Variants in LTK observed in about 807,000 individuals in gnomAD.
LTK encodes leukocyte tyrosine kinase receptor.
LTK carries 117 observed loss-of-function variants against 101.5 expected under a neutral mutation model. The ratio of observed to expected loss-of-function variants is 1.15; its 90% CI spans 0.99 to 1.34. The LOEUF (loss-of-function observed/expected upper bound fraction) is 1.34. LTK is among the 40% of genes most tolerant of loss of function. The pLI is 0.00. For missense variants in LTK, 1,252 were observed against 1,164.7 expected (o/e 1.07, Z -1.09); for synonymous variants, 563 against 494.2 (o/e 1.14, Z -1.85).
Position 41,510,462 on chromosome 15 carries a change from T to G in LTK, c.997+702A>C, listed in dbSNP as rs112738659. Among the ~76,000 whole-genome samples, 985 of 146,918 alleles carry G rather than the reference T, an allele frequency of 6.7e-3. 11 individuals carry two copies. The highest frequency in any genetic ancestry group is 0.023 in the African/African-American group (918 of 40,198). On this transcript the variant is annotated intron_variant, in intron 7 of 19. Coordinates refer to ENST00000263800, the MANE Select transcript of LTK (RefSeq NM_002344.6). Reference sequence around the variant, plus strand: ...CCAACTCCCAGGATAATTTCCATTGTTTTTTTTTTAATCTTTGAGACAGAA... The same window carrying G: ...CCAACTCCCAGGATAATTTCCATTGGTTTTTTTTTAATCTTTGAGACAGAA...
In LTK at chr15:41,504,277, TAG is replaced by T. The variant is rs779375217; in HGVS notation, c.2347-35_2347-34del. The T allele has an allele frequency of 5.0e-6, 8 of 1,608,582 alleles. No homozygotes were observed. In the African/African-American group the frequency reaches 1.1e-4, roughly 21 times the overall value. On this transcript the variant is annotated intron_variant, in intron 19 of 19. Coordinates refer to ENST00000263800, the MANE Select transcript of LTK (RefSeq NM_002344.6). Reference sequence around the variant, plus strand: ...GGAAGAGTCAGGGAGCAGGGGGGCATAGAGTTTTCTGGCCCTCCCTCCTGACC... The same window carrying T: ...GGAAGAGTCAGGGAGCAGGGGGGCATAGTTTTCTGGCCCTCCCTCCTGACC...
At chr15:41,513,431 G>C (rs112973579) in intron 1 of LTK, among the ~76,000 whole-genome samples, 15 of 152,380 alleles carry the variant, frequency 9.8e-5, no homozygotes, top group African/African-American at 3.6e-4. Context: ...CCCCAAGGCG[G>C]TGCTGAGACC....
chr15:41,508,066 T>C lies in LTK; in HGVS notation c.1249+3A>G, dbSNP rs771761774. The C allele has an allele frequency of 6.3e-7, 1 of 1,597,964 alleles. No homozygotes were observed. The highest frequency in any genetic ancestry group is 1.3e-5 in the African/African-American group (1 of 74,644). Reference sequence around the variant, plus strand: ...CCAGACCTTGGGCAAAGGTAGGACATACCCATGCAGGTGACGTTATCCACA... The same window carrying C: ...CCAGACCTTGGGCAAAGGTAGGACACACCCATGCAGGTGACGTTATCCACA... On this transcript the variant is annotated splice_donor_region_variant and intron_variant, in intron 9 of 19. Coordinates refer to ENST00000263800, the MANE Select transcript of LTK (RefSeq NM_002344.6).
Position 41,505,294 on chromosome 15 carries a change from T to G in LTK, c.1839A>C (p.Ser613=). The part of the protein sequence containing the change: ...RHSRPHLGQP[S]PLVMRDLLQL... Reference sequence around the variant, plus strand: ...GCAGCAGGTCCCGCATGACCAGAGGTGATGGCTGGCCCTGGGTCAGGCAGA... The same window carrying G: ...GCAGCAGGTCCCGCATGACCAGAGGGGATGGCTGGCCCTGGGTCAGGCAGA... Residue 613 remains serine (S), a synonymous_variant, in exon 15 of 20, where the codon TCA becomes TCC. Coordinates refer to ENST00000263800, the MANE Select transcript of LTK (RefSeq NM_002344.6). 1.9e-6 allele frequency: 3 copies of G among 1,613,644 alleles called. No individual in the cohort carries two copies. Among genetic ancestry groups the G allele is most frequent in the Non-Finnish European group, 2.5e-6 (3 of 1,179,930 alleles).
rs752146842 is a variant in LTK, at chr15:41,513,696, C to T, written c.14G>A (p.Gly5Glu). The T allele has an allele frequency of 2.4e-5, 39 of 1,611,890 alleles. No individual in the cohort carries two copies. Among genetic ancestry groups the T allele is most frequent in the Non-Finnish European group, 3.2e-5 (38 of 1,178,998 alleles). The change falls in exon 1 of 20, where the codon GGA (glycine) becomes GAA (glutamate). Residue 5 changes from glycine (G) to glutamate (E), a missense_variant. Gly to Glu is a moderately conservative substitution (Grantham distance 98). Coordinates refer to ENST00000263800, the MANE Select transcript of LTK (RefSeq NM_002344.6). The stretch of plus-strand genomic sequence containing the variant: ...GGCTCCGAACCACACCAGCAGCTGT[C>T]CCCAGCAGCCCATCCCTGTTGGGTC... MGCW[G>E]QLLVWFGAAG...
intron 15 of LTK, 41 bp downstream of exon 15, chr15:41,505,167 G>T: frequency 6.3e-7 from 1 of 1,595,682 alleles, no homozygotes; most frequent in Non-Finnish European, 8.6e-7. Context: ...CTTGGGGAGG[G>T]AGTTGGGATG....
Position 41,511,087 on chromosome 15 carries a change from G to T in LTK, c.997+77C>A, listed in dbSNP as rs1021050983. 14 of 1,299,540 alleles carry T rather than the reference G, an allele frequency of 1.1e-5. No homozygotes were observed. In the African/African-American group the frequency reaches 1.9e-4, roughly 17 times the overall value. The allele number at this position is 1,299,540 out of a possible 1,614,324, so 80.5% of individuals were successfully genotyped here. ...CTCTCCCACACCTATCCTCCCGAGG[G>T]CTCCGGCCTGTACTTAGGTTCTAAC... On this transcript the variant is annotated intron_variant, in intron 7 of 19. Transcript: ENST00000263800. This position sits in a 1 kb window ranked among gnomAD's most constrained non-coding sequence, Gnocchi z 5.9.
Position 41,505,261 on chromosome 15 carries a change from G to C in LTK, c.1872C>G (p.Ala624=). The change falls in exon 15 of 20, where the codon GCC becomes GCG. Residue 624 remains alanine, a synonymous_variant. Transcript: ENST00000263800. Reference sequence around the variant, plus strand: ...AGTGGCAGCCCTGGGCTATGTCCTGGGCCAGTTGCAGCAGGTCCCGCATGA... The same window carrying C: ...AGTGGCAGCCCTGGGCTATGTCCTGCGCCAGTTGCAGCAGGTCCCGCATGA... The part of the protein sequence containing the change: ...PLVMRDLLQL[A]QDIAQGCHYL... The C allele has an allele frequency of 4.3e-6, 7 of 1,614,054 alleles. No homozygotes were observed. The highest frequency in any genetic ancestry group is 5.9e-6 in the Non-Finnish European group (7 of 1,180,018).
rs1233681930 is a variant in LTK at position 41,504,147 on chromosome 15, A to C, written c.2444T>G (p.Leu815Arg). Residue 815 changes from leucine to arginine, a missense_variant, in exon 20 of 20, where the codon CTA becomes CGA. By Grantham distance (102) the Leu-to-Arg change is moderately radical. Transcript: ENST00000263800. Reference protein sequence around the residue: ...SGLGNRSLECLRPPQPQELSP... With the variant: ...SGLGNRSLECRRPPQPQELSP... ...CAGTTCCTGGGGCTGTGGGGGTCTT[A>C]GGCACTCCAAAGATCTGTTCCCCAG... The C allele has an allele frequency of 6.2e-7, 1 of 1,613,998 alleles. No homozygotes were observed. The highest frequency in any genetic ancestry group is 1.1e-5 in the South Asian group (1 of 91,086).
At position 41,505,545 on chromosome 15, in the gene LTK, GGACATATCCCGTTACCAGGAGGGA is replaced by G; in HGVS notation, c.1698-39_1698-16del. 6.2e-7 allele frequency: 1 copy of G among 1,613,546 alleles called. No homozygotes were observed. Among genetic ancestry groups the G allele is most frequent in the Admixed American group, 1.7e-5 (1 of 59,956 alleles). Reference sequence around the variant, plus strand: ...GGCGAAACTTGCTGAGTGGGGTGGGGGACATATCCCGTTACCAGGAGGGAGACGGAAACCATGTTTTAGGCTCCA... The same window carrying G: ...GGCGAAACTTGCTGAGTGGGGTGGGGGACGGAAACCATGTTTTAGGCTCCA... On this transcript the variant is annotated splice_polypyrimidine_tract_variant and intron_variant, in intron 13 of 19. Transcript: ENST00000263800.
rs763188409 is a variant in LTK, at chr15:41,511,170, A to AGCCGCC, written c.985_990dup (p.Gly329_Gly330dup). On this transcript the variant is annotated inframe_insertion, in exon 7 of 20. Coordinates refer to ENST00000263800, the MANE Select transcript of LTK (RefSeq NM_002344.6). This position sits in a 1 kb window ranked among gnomAD's most constrained non-coding sequence, Gnocchi z 5.9. ...TCTCCAACGGTGCACCTACCCCTGT[A>AGCCGCC]GCCGCCGCCGCCTCCGCCCGCAGTG... is the stretch of plus-strand genomic sequence containing the variant. 2.1e-6 allele frequency: 3 copies of AGCCGCC among 1,405,926 alleles called. No individual in the cohort carries two copies. Among genetic ancestry groups the AGCCGCC allele is most frequent in the Non-Finnish European group, 1.8e-6 (2 of 1,088,284 alleles). 87.1% of individuals were successfully genotyped at this position (1,405,926 alleles called of 1,614,324 possible).
Position 41,505,405 on chromosome 15 carries a change from T to C in LTK, c.1823A>G (p.His608Arg). The change falls in exon 14 of 20, where the codon CAC (histidine) becomes CGC (arginine). Residue 608 changes from histidine to arginine, a missense_variant. By Grantham distance (29) the His-to-Arg change is conservative. Transcript: ENST00000263800. ...GGGCTAAGACAAGGGTCTCACCAGG[T>C]GTGGCCGACTGTGCCTCAGGAAACT... Reference protein sequence around the residue: ...MKSFLRHSRPHLGQPSPLVMR... With the variant: ...MKSFLRHSRPRLGQPSPLVMR... The C allele has an allele frequency of 6.2e-7, 1 of 1,613,774 alleles. No individual in the cohort carries two copies. The highest frequency in any genetic ancestry group is 8.5e-7 in the Non-Finnish European group (1 of 1,179,918).
In LTK at chr15:41,511,562, AGCTC is replaced by A; in HGVS notation, c.670_673del (p.Glu224TrpfsTer16). 1 of 1,448,996 alleles carries A rather than the reference AGCTC, an allele frequency of 6.9e-7. No homozygotes were observed. The highest frequency in any genetic ancestry group is 1.5e-5 in the South Asian group (1 of 68,216). 89.8% of individuals were successfully genotyped at this position (1,448,996 alleles called of 1,614,324 possible). On this transcript the variant is annotated frameshift_variant, in exon 6 of 20. Transcript: ENST00000263800. LOFTEE classifies it high-confidence loss of function. The surrounding 1 kb of genome is among the most constrained non-coding windows in gnomAD (Gnocchi z 5.9). ...TCCGGCCGCCACCAGCAACGGTTCC[AGCTC>A]GCCAGCGCGCACCTGTGGGGCCAGC...
In LTK at chr15:41,505,555, C is replaced by T. The variant is rs199574117; in HGVS notation, c.1698-25G>A. On this transcript the variant is annotated intron_variant, in intron 13 of 19. Transcript: ENST00000263800. Reference sequence around the variant, plus strand: ...GCTGAGTGGGGTGGGGGACATATCCCGTTACCAGGAGGGAGACGGAAACCA... The same window carrying T: ...GCTGAGTGGGGTGGGGGACATATCCTGTTACCAGGAGGGAGACGGAAACCA... 1,979 of 1,613,154 alleles carry T rather than the reference C, an allele frequency of 1.2e-3. 1 individual carries two copies. Among genetic ancestry groups the T allele is most frequent in the Middle Eastern group, 2.5e-3 (15 of 6,054 alleles).
chr15:41,505,682 C>G, intron 13 of LTK, 31 bp downstream of exon 13: 1 of 1,613,040 alleles, frequency 6.2e-7, no homozygotes, highest in Non-Finnish European at 8.5e-7. Flanking sequence ...CCCCTCCCGC[C>G]TTCCAGCCCT....
chr15:41,511,971 C>A lies in LTK; in HGVS notation c.511-8G>T. ...CTGGCTCTCCGGGCTACCCTGCGGG[C>A]AGCGGGGGAGGGAATCGGCGGGGCC... On this transcript the variant is annotated splice_region_variant and splice_polypyrimidine_tract_variant and intron_variant, in intron 4 of 19. Transcript: ENST00000263800. This position sits in a 1 kb window ranked among gnomAD's most constrained non-coding sequence, Gnocchi z 5.9. The A allele has an allele frequency of 1.4e-6, 2 of 1,469,826 alleles. No homozygotes were observed. Among genetic ancestry groups the A allele is most frequent in the East Asian group, 2.5e-5 (1 of 39,458 alleles). The allele number at this position is 1,469,826 out of a possible 1,614,324, so 91.0% of individuals were successfully genotyped here. A position where few individuals can be genotyped will look rare whatever the true frequency, so the allele number is the denominator to read the frequency against.
chr15:41,512,370 G>A, intron 3 of LTK, 105 bp from the exon 4 acceptor site: 1 of 1,143,336 alleles, frequency 8.7e-7, no homozygotes, highest in Non-Finnish European at 1.2e-6. Flanking sequence ...TTATCTGAGG[G>A]ACTTGGAGGC....
chr15:41,505,111 G>A (rs549665057), intron 15 of LTK, 47 bp from the exon 16 acceptor site: 2 of 1,585,670 alleles, frequency 1.3e-6, no homozygotes, highest in Admixed American at 3.5e-5. Context: ...AGAAGTTCTT[G>A]CTCTTCCTGA....
intron 9 of LTK, 147 bp from the exon 10 acceptor site, chr15:41,507,804 C>T: frequency 1.2e-6 from 1 of 856,414 alleles, no homozygotes; most frequent in Admixed American, 2.8e-5. Context: ...ACCTCTCCCT[C>T]TTGAACACCC....
Sources: allele counts gnomAD v4.1 joint callset (sites outside exome capture counted in the v4.1 genomes callset), GRCh38; gene constraint gnomAD v4.1.1; non-coding constraint Gnocchi (gnomAD v3.1); transcripts MANE v1.5; gene names NCBI Gene and HGNC (gene_info 2026-07-23, HGNC 2026-07-21).